Variants in ZSCAN32 observed in about 807,000 individuals in gnomAD.
The protein encoded by ZSCAN32 is zinc finger and SCAN domain containing 32.
Under a neutral mutation model 47.4 loss-of-function variants are expected in ZSCAN32, and 52 were observed. That is an observed-to-expected ratio of 1.10 (90% confidence interval 0.88 to 1.38). ZSCAN32 has a LOEUF of 1.38. Among genes scored for constraint, ZSCAN32 ranks in the 40% most tolerant of loss-of-function variants. ZSCAN32 has a pLI of 0.00. For synonymous variants in ZSCAN32, 346 were observed against 305.7 expected (o/e 1.13, Z -1.38); for missense variants, 959 against 846.0 (o/e 1.13, Z -1.66).
intron 1 of ZSCAN32, 21 bp from the exon 2 acceptor site, chr16:3,397,765 CAA>C (rs1447888602): frequency 1.8e-6 from 1 of 555,332 alleles, no homozygotes; most frequent in African/African-American, 1.9e-5. Context: ...TGGAAAAAGA[CAA>C]TATAAACCTA....
intron 4 of ZSCAN32, 50 bp downstream of exon 4, chr16:3,390,373 T>G (rs1396370697): frequency 3.4e-6 from 5 of 1,487,770 alleles, no homozygotes; most frequent in Admixed American, 2.2e-5. Flanking sequence ...AGGAGGGTTT[T>G]GGGGTGAGAG....
rs934238318 is a variant in ZSCAN32 at position 3,382,762 on chromosome 16, A to G, written c.*90T>C. 2.0e-6 allele frequency: 3 copies of G among 1,497,604 alleles called. No homozygotes were observed. The African/African-American group carries it at 4.2e-5, about 21-fold the overall frequency. The allele number at this position is 1,497,604 out of a possible 1,614,324, so 92.8% of individuals were successfully genotyped here. A position where few individuals can be genotyped will look rare whatever the true frequency, so the allele number is the denominator to read the frequency against. ...ATCCAGTAGTCAGTAGGTCTGTTGC[A>G]AAGTCAGGGACTGGCTAGATCTCTC... On this transcript the variant is annotated 3_prime_UTR_variant, in exon 7 of 7. Coordinates refer to ENST00000396852, the MANE Select transcript of ZSCAN32 (RefSeq NM_001284527.2).
At chr16:3,396,075 GTGA>G (rs1567325373) in intron 2 of ZSCAN32, among the ~76,000 whole-genome samples, 1 of 152,194 alleles carries the variant, frequency 6.6e-6, no homozygotes, top group Non-Finnish European at 1.5e-5. Context: ...ATCAAACAGA[GTGA>G]TGGAAGGGGA....
At chr16:3,395,064 G>A (rs1284225740) in intron 2 of ZSCAN32, among the ~76,000 whole-genome samples, 1 of 152,202 alleles carries the variant, frequency 6.6e-6, no homozygotes, top group Non-Finnish European at 1.5e-5. Context: ...GGCTCCAGCA[G>A]GCCAGGGGCC....
chr16:3,398,710 C>A (rs1486823540), intron 1 of ZSCAN32, among the ~76,000 whole-genome samples: 1 of 152,188 alleles, frequency 6.6e-6, no homozygotes, highest in Admixed American at 6.5e-5. Context: ...GGTCTTTTTC[C>A]TGTCCTTCCC....
intron 3 of ZSCAN32, among the ~76,000 whole-genome samples, chr16:3,393,239 T>TATAAAATATATATA (rs372485512): frequency 5.4e-5 from 1 of 18,642 alleles, no homozygotes; most frequent in African/African-American, 4.6e-4. Flanking sequence ...AATTTATATA[T>TATAAAATATATATA]TTTATATATA....
rs1439652170 is a variant in ZSCAN32 at position 3,390,050 on chromosome 16, G to T, written c.711C>A (p.Tyr237Ter). The change falls in exon 5 of 7, where the codon TAC becomes TAA. Residue 237 changes from tyrosine to a stop codon, truncating the protein, a stop_gained. Coordinates refer to ENST00000396852, the MANE Select transcript of ZSCAN32 (RefSeq NM_001284527.2). LOFTEE classifies it high-confidence loss of function. ...TGTCCTTCCTCTGGGTGGCACCCCT[G>T]TAGAGGGCCCTTTGTGCAGGGCCTG... ...MCPGPAQRAL[Y>*]RGATQRKDSH... 1.3e-6 allele frequency: 2 copies of T among 1,570,204 alleles called. No homozygotes were observed. Among genetic ancestry groups the T allele is most frequent in the Non-Finnish European group, 1.7e-6 (2 of 1,147,566 alleles).
In ZSCAN32 at chr16:3,385,050, T is replaced by C. The variant is rs2031787393; in HGVS notation, c.752-109A>G. The C allele has an allele frequency of 3.0e-6, 4 of 1,343,302 alleles. No homozygotes were observed. The South Asian group carries it at 4.2e-5, about 14-fold the overall frequency. 83.2% of individuals were successfully genotyped at this position (1,343,302 alleles called of 1,614,324 possible). A position where few individuals can be genotyped will look rare whatever the true frequency, so the allele number is the denominator to read the frequency against. Reference sequence around the variant, plus strand: ...TTAAAAAGTTACATCCTAGGCTGGATGCGGTGGCTCACACCTGTAATCCCA... The same window carrying C: ...TTAAAAAGTTACATCCTAGGCTGGACGCGGTGGCTCACACCTGTAATCCCA... On this transcript the variant is annotated intron_variant, in intron 5 of 6. Coordinates refer to ENST00000396852, the MANE Select transcript of ZSCAN32 (RefSeq NM_001284527.2).
chr16:3,389,828 G>A (rs1288678592), intron 5 of ZSCAN32, among the ~76,000 whole-genome samples, 182 bp downstream of exon 5: 1 of 152,092 alleles, frequency 6.6e-6, no homozygotes, highest in African/African-American at 2.4e-5. Context: ...CACACATGCT[G>A]CCCCTTTCTT....
In ZSCAN32 at chr16:3,393,737, T is replaced by A. The variant is rs1347550868; in HGVS notation, c.444A>T (p.Arg148Ser). ...APLGATRESLRSQWKQEVQPE... is the reference protein window; with the variant it reads ...APLGATRESLSSQWKQEVQPE... Reference sequence around the variant, plus strand: ...GCTGAACCTCCTGTTTCCATTGGGATCTCAGTGATTCTCTGGTTGCTCCCA... The same window carrying A: ...GCTGAACCTCCTGTTTCCATTGGGAACTCAGTGATTCTCTGGTTGCTCCCA... Residue 148 changes from arginine (R) to serine (S), a missense_variant, in exon 3 of 7, where the codon AGA (arginine) becomes AGT (serine). Physicochemically the swap from Arg to Ser is moderately radical, Grantham distance 110. Transcript: ENST00000396852. 1.3e-6 allele frequency: 2 copies of A among 1,550,470 alleles called. No individual in the cohort carries two copies. The highest frequency in any genetic ancestry group is 1.7e-6 in the Non-Finnish European group (2 of 1,146,928).
At chr16:3,385,184 G>T (rs1167059142) in intron 5 of ZSCAN32, among the ~76,000 whole-genome samples, 1 of 152,080 alleles carries the variant, frequency 6.6e-6, no homozygotes, top group African/African-American at 2.4e-5. Context: ...AAAATAGCTG[G>T]GTGTGGTGCC....
intron 1 of ZSCAN32, 109 bp downstream of exon 1, chr16:3,400,836 G>A (rs1177285032): frequency 6.6e-6 from 1 of 152,232 alleles, no homozygotes; most frequent in East Asian, 1.9e-4. Flanking sequence ...GACGCCCATC[G>A]GGGCCGGACC....
At chr16:3,397,831 A>C in intron 1 of ZSCAN32, 87 bp from the exon 2 acceptor site, 1 of 260,538 alleles carries the variant, frequency 3.8e-6, no homozygotes, top group Non-Finnish European at 7.2e-6. Context: ...CCTTTCCTTT[A>C]CTCCCTCCAC....
intron 4 of ZSCAN32, 80 bp downstream of exon 4, chr16:3,390,341 CTT>C (rs2032532946): frequency 1.4e-6 from 2 of 1,409,886 alleles, no homozygotes; most frequent in Non-Finnish European, 1.9e-6. Flanking sequence ...CACACAGAAT[CTT>C]TCTCATGTCT....
In ZSCAN32 at chr16:3,382,149, T is replaced by C. The variant is rs2031295493; in HGVS notation, c.*703A>G. On this transcript the variant is annotated 3_prime_UTR_variant, in exon 7 of 7. Transcript: ENST00000396852. ...ATGTTTATAAATTTGTTTATAGTAG[T>C]TTGTAAATTATTATCAGAAATAGTA... 6.6e-6 allele frequency: 1 copy of C among 152,238 alleles called. No individual in the cohort carries two copies. The highest frequency in any genetic ancestry group is 6.5e-5 in the Admixed American group (1 of 15,286). The allele number at this position is 152,238 out of a possible 1,614,324, so 9.4% of individuals were successfully genotyped here. A position where few individuals can be genotyped will look rare whatever the true frequency, so the allele number is the denominator to read the frequency against.
In ZSCAN32 at chr16:3,393,784, G is replaced by C; in HGVS notation, c.397C>G (p.Leu133Val). 1.3e-6 allele frequency: 2 copies of C among 1,549,832 alleles called. No homozygotes were observed. Among genetic ancestry groups the C allele is most frequent in the African/African-American group, 1.4e-5 (1 of 73,104 alleles). ...VLDSEKDLKV[L>V]MKEMAPLGAT... ...CCCAAAGGGGCCATCTCCTTCATGA[G>C]TACTTTCAAGTCCTTCTCAGAATCT... Residue 133 changes from leucine to valine, a missense_variant, in exon 3 of 7, where the codon CTC becomes GTC. Physicochemically the swap from Leu to Val is conservative, Grantham distance 32 (BLOSUM62 1). Transcript: ENST00000396852.
chr16:3,395,320 C>T (rs1298819729), intron 2 of ZSCAN32, among the ~76,000 whole-genome samples: 1 of 152,164 alleles, frequency 6.6e-6, no homozygotes, highest in Non-Finnish European at 1.5e-5. Flanking sequence ...TTGGCTGTGT[C>T]CCCACCCAAA....
chr16:3,384,996 T>A (rs2031780734), intron 5 of ZSCAN32, 55 bp from the exon 6 acceptor site: 1 of 1,560,578 alleles, frequency 6.4e-7, no homozygotes, highest in African/African-American at 1.4e-5. Flanking sequence ...TGGAGGACTG[T>A]ACATACTGCA....
chr16:3,385,054 G>C, intron 5 of ZSCAN32, 113 bp from the exon 6 acceptor site: 1 of 1,286,668 alleles, frequency 7.8e-7, no homozygotes, highest in East Asian at 2.3e-5. Flanking sequence ...GCTGGATGCG[G>C]TGGCTCACAC....
Sources: gnomAD v4.1 joint callset for allele counts (sites outside exome capture counted in the v4.1 genomes callset) on GRCh38, gnomAD v4.1.1 for gene constraint, MANE v1.5 for transcripts, NCBI Gene and HGNC (gene_info 2026-07-23, HGNC 2026-07-21) for gene names.